Variants in RARB observed in about 807,000 individuals in gnomAD.
The protein encoded by RARB is retinoic acid receptor beta.
A neutral mutation model predicts 51.9 loss-of-function variants in RARB; 17 were observed. The observed-to-expected ratio is 0.33, with a 90% CI of 0.22 to 0.49. The LOEUF (loss-of-function observed/expected upper bound fraction) is 0.49. Ranked by LOEUF, RARB falls within the 20% of genes least tolerant of loss-of-function variation. The pLI is 0.99. For synonymous variants in RARB, 215 were observed against 195.4 expected, an observed-to-expected ratio of 1.10 and a Z score of -0.84; for missense variants, 369 against 550.8, an observed-to-expected ratio of 0.67 and a Z score of 3.30.
At chr3:25,487,172 G>A (rs547583064) in intron 2 of RARB, among the ~76,000 whole-genome samples, 6 of 152,230 alleles carry the variant, frequency 3.9e-5, no homozygotes, top group East Asian at 3.9e-4. Context: ...CCTCAGTCGC[G>A]TTTGACACAG....
At chr3:25,324,846 C>A (rs956326862) in intron 5 of RARB, among the ~76,000 whole-genome samples, 1 of 152,180 alleles carries the variant, frequency 6.6e-6, no homozygotes, top group African/African-American at 2.4e-5. Flanking sequence ...CCTGACAGTT[C>A]CGGCCTTCCC....
intron 4 of RARB, among the ~76,000 whole-genome samples, chr3:25,132,601 A>G (rs1249036990): frequency 1.3e-5 from 2 of 152,002 alleles, no homozygotes; most frequent in African/African-American, 4.8e-5. Flanking sequence ...AAAGATGATG[A>G]AATGAAAACA....
At position 25,596,540 on chromosome 3, in the gene RARB, C is replaced by T. The variant is rs767561550; in HGVS notation, c.1271C>T (p.Thr424Ile). 1.9e-6 allele frequency: 3 copies of T among 1,613,764 alleles called. No homozygotes were observed. The African/African-American group carries it at 4.0e-5, about 22-fold the overall frequency. The change falls in exon 8 of 8, where the codon ACA (threonine) becomes ATA (isoleucine). Residue 424 changes from threonine to isoleucine, a missense_variant. Coordinates refer to ENST00000330688, the MANE Select transcript of RARB (RefSeq NM_000965.5). ...EPLTPSSSGN[T>I]AEHSPSISPS... ...TTGACCCCAAGTTCAAGTGGGAACA[C>T]AGCAGAGCACAGTCCTAGCATCTCA...
rs376162983 is a variant in RARB, at chr3:25,220,566, G to C, written c.178+45991G>C. Among the ~76,000 whole-genome samples the C allele has an allele frequency of 2.0e-5, 3 of 152,154 alleles. No homozygotes were observed. In the South Asian group the frequency reaches 6.2e-4, roughly 31 times the overall value. ...TCATGGGGGCAGTTTCCGCCCTGCT[G>C]TTCTTGTCTTAGTGAGTTCTTACGA... On this transcript the variant is annotated intron_variant, in intron 5 of 11. Transcript: ENST00000383772.
At chr3:25,190,115 A>T in intron 5 of RARB, among the ~76,000 whole-genome samples, 1 of 152,130 alleles carries the variant, frequency 6.6e-6, no homozygotes, top group East Asian at 1.9e-4. Context: ...GAGGAGGAAT[A>T]TGAAGAAATA....
Position 25,007,126 on chromosome 3 carries a change from T to C in RARB, c.-379-52999T>C, listed in dbSNP as rs78314617. On this transcript the variant is annotated intron_variant, in intron 2 of 11. Transcript: ENST00000383772. ...TTTGGCATCTGCCAAACCCAAAAGA[T>C]ACAACATGAATGCAATAATATTTAA... is the stretch of plus-strand genomic sequence containing the variant. Among the ~76,000 whole-genome samples, 1,390 of 152,258 alleles carry C rather than the reference T, an allele frequency of 9.1e-3. 25 individuals carry two copies. The highest frequency in any genetic ancestry group is 0.032 in the African/African-American group (1,331 of 41,558).
intron 2 of RARB, among the ~76,000 whole-genome samples, chr3:24,898,902 C>G (rs1341276134): frequency 6.6e-6 from 1 of 152,184 alleles, no homozygotes; most frequent in Non-Finnish European, 1.5e-5. Flanking sequence ...TGTTTCTACT[C>G]AGTAACAGAG....
intron 4 of RARB, among the ~76,000 whole-genome samples, chr3:25,146,447 AAC>A: frequency 6.6e-6 from 1 of 152,170 alleles, no homozygotes; most frequent in African/African-American, 2.4e-5. Context: ...AATTTGCAAA[AAC>A]ACACAGGCTA....
At chr3:25,220,514 G>A (rs1174652137) in intron 5 of RARB, among the ~76,000 whole-genome samples, 2 of 152,170 alleles carry the variant, frequency 1.3e-5, no homozygotes, top group Admixed American at 1.3e-4. Flanking sequence ...CACGTATCAA[G>A]GGAGAGACCA....
At chr3:25,426,660 C>T (rs1488539611), upstream of RARB, among the ~76,000 whole-genome samples, 2 of 152,248 alleles carry the variant, frequency 1.3e-5, no homozygotes, top group Admixed American at 6.5e-5. Flanking sequence ...TAACCACTTG[C>T]CTGCCCTGTT....
At chr3:24,908,248 C>T (rs1185493579) in intron 2 of RARB, among the ~76,000 whole-genome samples, 5 of 152,118 alleles carry the variant, frequency 3.3e-5, no homozygotes, top group Admixed American at 6.5e-5. Flanking sequence ...TTAAGGCGTT[C>T]GCTTTCTTAA....
intron 1 of RARB, among the ~76,000 whole-genome samples, chr3:25,448,020 T>C (rs1709025168): frequency 6.6e-6 from 1 of 152,066 alleles, no homozygotes; most frequent in Non-Finnish European, 1.5e-5. Flanking sequence ...AATGATGTTA[T>C]TTAATGCTCA....
At chr3:25,502,757 G>T (rs1331363417) in intron 3 of RARB, among the ~76,000 whole-genome samples, 1 of 152,126 alleles carries the variant, frequency 6.6e-6, no homozygotes, top group Non-Finnish European at 1.5e-5. Flanking sequence ...AAGGAAACAG[G>T]TAGCCACAAG....
chr3:24,859,321 GT>G (rs1702697286), intron 2 of RARB, among the ~76,000 whole-genome samples: 1 of 152,158 alleles, frequency 6.6e-6, no homozygotes, highest in Admixed American at 6.5e-5. Context: ...GACTGAGAAA[GT>G]GGGAATGGAT....
chr3:25,424,681 G>GC (rs1178267379), upstream of RARB, among the ~76,000 whole-genome samples: 3 of 152,170 alleles, frequency 2.0e-5, no homozygotes, highest in African/African-American at 7.2e-5. Context: ...CCCTGTGGTG[G>GC]GGGGGGATAT....
At chr3:25,370,821 T>C (rs966314638) in intron 5 of RARB, among the ~76,000 whole-genome samples, 1 of 152,138 alleles carries the variant, frequency 6.6e-6, no homozygotes, top group African/African-American at 2.4e-5. Flanking sequence ...TTCTAACAGA[T>C]CTGGGAGCCA....
chr3:24,977,307 G>A (rs1193121796), intron 2 of RARB, among the ~76,000 whole-genome samples: 2 of 152,144 alleles, frequency 1.3e-5, no homozygotes, highest in East Asian at 3.8e-4. Context: ...GAAAGTCAGT[G>A]GTAGCTTGAT....
chr3:25,319,854 T>C (rs1416838256), intron 5 of RARB, among the ~76,000 whole-genome samples: 5 of 152,200 alleles, frequency 3.3e-5, no homozygotes, highest in African/African-American at 7.2e-5. Flanking sequence ...CTCAGTCACT[T>C]CTTTTTATTC....
intron 2 of RARB, among the ~76,000 whole-genome samples, chr3:24,927,137 A>T (rs547121804): frequency 6.6e-6 from 1 of 152,022 alleles, no homozygotes; most frequent in African/African-American, 2.4e-5. Flanking sequence ...TTGCAAAACC[A>T]TTTTTTCCTT....
Sources: gnomAD v4.1 joint callset for allele counts (sites outside exome capture counted in the v4.1 genomes callset) on GRCh38, gnomAD v4.1.1 for gene constraint, MANE v1.5 for transcripts, NCBI Gene and HGNC (gene_info 2026-07-23, HGNC 2026-07-21) for gene names.